Variants in TRPM2 observed in about 807,000 individuals in gnomAD.
TRPM2 encodes estrogen-responsive element-associated gene 1 protein.
A neutral mutation model predicts 174.0 loss-of-function variants in TRPM2; 161 were observed. The ratio of observed to expected loss-of-function variants is 0.93; its 90% CI spans 0.81 to 1.05. The LOEUF (loss-of-function observed/expected upper bound fraction) is 1.05, where lower values mean the gene tolerates loss of function less well. Among genes scored for constraint, TRPM2 ranks in the 50% least tolerant of loss-of-function variants. The probability of loss-of-function intolerance (pLI) is 0.00; values close to 1 mark genes in which losing one functional copy is unlikely to be tolerated. For synonymous variants in TRPM2, 954 were observed against 861.3 expected (o/e 1.11, Z -1.88); for missense variants, 2,057 against 2,038.0 (o/e 1.01, Z -0.18).
At chr21:44,404,327 CACATGCATACACATACAAAT>C (rs1229395090) in intron 16 of TRPM2, among the ~76,000 whole-genome samples, 1 of 152,138 alleles carries the variant, frequency 6.6e-6, no homozygotes, top group Non-Finnish European at 1.5e-5. Context: ...CACATATACA[CACATGCATACACATACAAAT>C]ACATGCAGAC....
At chr21:44,358,697 G>A (rs973471019) in intron 2 of TRPM2, among the ~76,000 whole-genome samples, 1 of 152,158 alleles carries the variant, frequency 6.6e-6, no homozygotes, top group African/African-American at 2.4e-5. Flanking sequence ...GGAGCAAGAC[G>A]GGAGAGCTCA....
In TRPM2 at chr21:44,369,335, C is replaced by A. The variant is rs930817328; in HGVS notation, c.763C>A (p.His255Asn). The A allele has an allele frequency of 5.6e-6, 9 of 1,610,688 alleles. No individual in the cohort carries two copies. Among genetic ancestry groups the A allele is most frequent in the African/African-American group, 1.3e-5 (1 of 74,882 alleles). Reference sequence around the variant, plus strand: ...TGTCCACCGCCGCGAGGGCCTGATCCATCCCACGGTGAGTGCGGCCCCCTA... The same window carrying A: ...TGTCCACCGCCGCGAGGGCCTGATCAATCCCACGGTGAGTGCGGCCCCCTA... Reference protein sequence around the residue: ...GTVHRREGLIHPTGSFPAEYI... With the variant: ...GTVHRREGLINPTGSFPAEYI... Residue 255 changes from histidine to asparagine, a missense_variant, in exon 5 of 32, where the codon CAT (histidine) becomes AAT (asparagine). By Grantham distance (68) the His-to-Asn change is moderately conservative. Transcript: ENST00000397928.
At chr21:44,355,083 A>T (rs965918512) in intron 2 of TRPM2, among the ~76,000 whole-genome samples, 2 of 152,212 alleles carry the variant, frequency 1.3e-5, no homozygotes, top group African/African-American at 4.8e-5. Flanking sequence ...ACCCCAAGAG[A>T]GAGAGTCCCA....
intron 27 of TRPM2, 35 bp from the exon 28 acceptor site, chr21:44,435,096 G>A (rs377065500): frequency 1.3e-5 from 21 of 1,597,844 alleles, no homozygotes; most frequent in Non-Finnish European, 1.7e-5. Flanking sequence ...CCCCATTGGT[G>A]GACGGTGGAC....
intron 9 of TRPM2, 129 bp downstream of exon 9, chr21:44,382,949 C>G (rs1228526606): frequency 1.0e-6 from 1 of 981,672 alleles, no homozygotes; most frequent in South Asian, 1.6e-5. Context: ...GAAACCCTGG[C>G]CAGAGGGCAG....
chr21:44,383,198 G>T (rs2048932080), intron 9 of TRPM2, among the ~76,000 whole-genome samples: 1 of 151,958 alleles, frequency 6.6e-6, no homozygotes, highest in African/African-American at 2.4e-5. Flanking sequence ...GGTAGAGCAG[G>T]GCCTCAGGAA....
chr21:44,364,012 G>A (rs759893718), intron 2 of TRPM2, 102 bp from the exon 3 acceptor site: 3 of 1,305,498 alleles, frequency 2.3e-6, no homozygotes, highest in Non-Finnish European at 2.1e-6. Flanking sequence ...TTTTTGCTGG[G>A]TGGGGGAAGG....
Position 44,366,927 on chromosome 21 carries a change from G to T in TRPM2, c.597G>T (p.Gln199His). The change falls in exon 4 of 32, where the codon CAG becomes CAT. Residue 199 changes from glutamine (Q) to histidine (H), a missense_variant. Coordinates refer to ENST00000397928, the MANE Select transcript of TRPM2 (RefSeq NM_003307.4). This position sits in a 1 kb window ranked among gnomAD's most constrained non-coding sequence, Gnocchi z 6.0. Reference protein sequence around the residue: ...IFRRGLVKVAQTTGAWIITGG... With the variant: ...IFRRGLVKVAHTTGAWIITGG... ...GCAGAGGCCTGGTCAAGGTGGCTCA[G>T]ACCACAGGTAACTCGGAGGCTGGAG... 6.3e-7 allele frequency: 1 copy of T among 1,587,792 alleles called. No individual in the cohort carries two copies. Among genetic ancestry groups the T allele is most frequent in the South Asian group, 1.1e-5 (1 of 87,954 alleles).
At position 44,364,333 on chromosome 21, in the gene TRPM2, C is replaced by T. The variant is rs559969727; in HGVS notation, c.423+51C>T. 2.5e-6 allele frequency: 4 copies of T among 1,593,550 alleles called. No individual in the cohort carries two copies. In the East Asian group the frequency reaches 8.9e-5, roughly 36 times the overall value. On this transcript the variant is annotated intron_variant, in intron 3 of 31. Transcript: ENST00000397928. ...AACTGTAGGTGGAGCTGCATGGCCCCACAGTGACACGCGGTGGTCGGCATT... is the reference window on the plus strand; with the variant it reads ...AACTGTAGGTGGAGCTGCATGGCCCTACAGTGACACGCGGTGGTCGGCATT...
At chr21:44,373,789 T>C (rs559936969) in intron 5 of TRPM2, among the ~76,000 whole-genome samples, 40 of 152,266 alleles carry the variant, frequency 2.6e-4, no homozygotes, top group Non-Finnish European at 5.1e-4. Context: ...TGGAGATCTC[T>C]GCGGCTAAAT....
rs1456455280 is a variant in TRPM2 at position 44,432,366 on chromosome 21, C to T, written c.3975-2765C>T. ...GGCCTCTCCCTGCACGTGTCTGTGT[C>T]TCTTCTGTTCTTAGGATTATAAATC... On this transcript the variant is annotated intron_variant, in intron 27 of 31. Coordinates refer to ENST00000397928, the MANE Select transcript of TRPM2 (RefSeq NM_003307.4). This position sits in a 1 kb window ranked among gnomAD's most constrained non-coding sequence, Gnocchi z 4.9. 2.0e-5 allele frequency among the ~76,000 whole-genome samples: 3 copies of T among 152,204 alleles called. No individual in the cohort carries two copies. The highest frequency in any genetic ancestry group is 7.2e-5 in the African/African-American group (3 of 41,448).
At chr21:44,413,297 G>A (rs540998134) in intron 19 of TRPM2, among the ~76,000 whole-genome samples, 14 of 144,316 alleles carry the variant, frequency 9.7e-5, no homozygotes, top group Non-Finnish European at 2.1e-4. Flanking sequence ...GGAGTGCAAT[G>A]AGGCAACCTC....
chr21:44,423,791 T>C, intron 23 of TRPM2, 59 bp downstream of exon 23: 1 of 1,416,512 alleles, frequency 7.1e-7, no homozygotes, highest in Non-Finnish European at 9.7e-7. Flanking sequence ...GGTGGGCGGC[T>C]CTGCCATGTG....
intron 27 of TRPM2, among the ~76,000 whole-genome samples, chr21:44,434,252 GTGGCGGGGACGC>G (rs1569116698): frequency 6.6e-6 from 1 of 151,872 alleles, no homozygotes; most frequent in African/African-American, 2.4e-5. Context: ...GGTGGGGACG[GTGGCGGGGACGC>G]TGGCGGGGAC....
intron 28 of TRPM2, 127 bp downstream of exon 28, chr21:44,435,344 T>A: frequency 2.1e-6 from 2 of 962,830 alleles, no homozygotes; most frequent in Non-Finnish European, 3.1e-6. Context: ...ACTTGGTGCC[T>A]ACTGGGGGGA....
Position 44,366,860 on chromosome 21 carries a change from C to A in TRPM2, c.530C>A (p.Ala177Asp). Residue 177 changes from alanine (A) to aspartate (D), a missense_variant, in exon 4 of 32, where the codon GCC (alanine) becomes GAC (aspartate). By Grantham distance (126) the Ala-to-Asp change is moderately radical (BLOSUM62 -2). Coordinates refer to ENST00000397928, the MANE Select transcript of TRPM2 (RefSeq NM_003307.4). The surrounding 1 kb of genome is among the most constrained non-coding windows in gnomAD (Gnocchi z 6.0). ...PNLLISVTGG[A>D]KNFNMKPRLK... Reference sequence around the variant, plus strand: ...CTCTTGATCTCGGTGACCGGGGGGGCCAAGAACTTCAACATGAAGCCGCGG... The same window carrying A: ...CTCTTGATCTCGGTGACCGGGGGGGACAAGAACTTCAACATGAAGCCGCGG... 1 of 1,613,556 alleles carries A rather than the reference C, an allele frequency of 6.2e-7. No individual in the cohort carries two copies. Among genetic ancestry groups the A allele is most frequent in the Non-Finnish European group, 8.5e-7 (1 of 1,179,734 alleles).
chr21:44,439,074 G>T lies in TRPM2; in HGVS notation c.4175G>T (p.Arg1392Leu). 1 of 1,612,580 alleles carries T rather than the reference G, an allele frequency of 6.2e-7. No individual in the cohort carries two copies. The highest frequency in any genetic ancestry group is 8.5e-7 in the Non-Finnish European group (1 of 1,179,546). Residue 1392 changes from arginine (R) to leucine (L), a missense_variant, in exon 30 of 32, where the codon CGG becomes CTG. Physicochemically the swap from Arg to Leu is moderately radical, Grantham distance 102. Coordinates refer to ENST00000397928, the MANE Select transcript of TRPM2 (RefSeq NM_003307.4). The surrounding 1 kb of genome is among the most constrained non-coding windows in gnomAD (Gnocchi z 5.1). ...CGTCCTCTGTCTGTCCAGGGCTCCC[G>T]GGAGCCAGGGGAGATGCTACCTCGG... The part of the protein sequence containing the change: ...SEHWALPGGS[R>L]EPGEMLPRKL...
intron 25 of TRPM2, among the ~76,000 whole-genome samples, chr21:44,426,391 C>T (rs1035324240): frequency 2.0e-5 from 3 of 152,130 alleles, no homozygotes; most frequent in African/African-American, 7.2e-5. Context: ...CCCCCTGCCC[C>T]ACTCTGGGAA....
chr21:44,378,100 T>C (rs898583928), intron 7 of TRPM2, among the ~76,000 whole-genome samples: 3 of 152,160 alleles, frequency 2.0e-5, no homozygotes, highest in African/African-American at 7.2e-5. Context: ...CTGGGGGGTT[T>C]CTACAACTCT....
Sources: allele counts gnomAD v4.1 joint callset (sites outside exome capture counted in the v4.1 genomes callset), GRCh38; gene constraint gnomAD v4.1.1; non-coding constraint Gnocchi (gnomAD v3.1); transcripts MANE v1.5; gene names NCBI Gene and HGNC (gene_info 2026-07-23, HGNC 2026-07-21).